The following NAV3 variants were observed in gnomAD, a reference collection of about 807,000 sequenced individuals.
NAV3 encodes neuron navigator 3, also known as pore membrane and/or filament interacting like protein 1.
NAV3 carries 87 observed loss-of-function variants against 244.7 expected under a neutral mutation model. The observed-to-expected ratio is 0.36, with a 90% CI of 0.30 to 0.42. The LOEUF is 0.42. Among genes scored for constraint, NAV3 ranks in the 20% least tolerant of loss-of-function variants. The pLI is 1.00. For missense variants in NAV3, 2,663 were observed against 2,893.3 expected (o/e 0.92, Z 1.83); for synonymous variants, 1,126 against 1,042.2 (o/e 1.08, Z -1.55).
At chr12:77,648,045 G>T (rs753358313) in intron 2 of NAV3, among the ~76,000 whole-genome samples, 2 of 152,076 alleles carry the variant, frequency 1.3e-5, no homozygotes, top group Non-Finnish European at 2.9e-5. Context: ...CTTCCCTGAT[G>T]TTGGACTCCC....
rs1303774960 is a variant in NAV3 at position 77,656,677 on chromosome 12, A to G, written c.72+84411A>G. On this transcript the variant is annotated intron_variant, in intron 2 of 8. Coordinates refer to the NAV3 transcript ENST00000550042. Reference sequence around the variant, plus strand: ...TACATTTTTTTCAGCACCCCACCACACCTATTCCAAAATTGACCACATAGT... The same window carrying G: ...TACATTTTTTTCAGCACCCCACCACGCCTATTCCAAAATTGACCACATAGT... Among the ~76,000 whole-genome samples, 449 of 145,460 alleles carry G rather than the reference A, an allele frequency of 3.1e-3. 5 individuals are homozygous for G. Among genetic ancestry groups the G allele is most frequent in the Non-Finnish European group, 4.9e-3 (329 of 67,046 alleles).
Position 77,755,384 on chromosome 12 carries a change from G to A in NAV3, c.72+183118G>A, listed in dbSNP as rs114461626. Among the ~76,000 whole-genome samples the A allele has an allele frequency of 3.1e-3, 474 of 152,230 alleles. 3 individuals are homozygous for A. The highest frequency in any genetic ancestry group is 0.024 in the Middle Eastern group (7 of 294). ...CATTCATACCTACTCTGTACCAACT[G>A]TGTGCTGGGGATACCAGGGAGCACA... On this transcript the variant is annotated intron_variant, in intron 2 of 8. Coordinates refer to the NAV3 transcript ENST00000550042.
chr12:77,795,527 TTACTG>T (rs1871366559), intron 2 of NAV3, among the ~76,000 whole-genome samples: 1 of 152,134 alleles, frequency 6.6e-6, no homozygotes, highest in Non-Finnish European at 1.5e-5. Context: ...TAAATGAAAT[TTACTG>T]TACATTATTA....
intron 1 of NAV3, among the ~76,000 whole-genome samples, chr12:77,900,330 C>T (rs1015621285): frequency 6.6e-6 from 1 of 152,242 alleles, no homozygotes; most frequent in Admixed American, 6.5e-5. Context: ...CCCGCCTTGG[C>T]CTCCCAAAGT....
chr12:77,589,681 C>T (rs1156295486), intron 2 of NAV3, among the ~76,000 whole-genome samples: 1 of 152,234 alleles, frequency 6.6e-6, no homozygotes, highest in Non-Finnish European at 1.5e-5. Context: ...GATTCAATCA[C>T]CCTCCACCAG....
intron 2 of NAV3, among the ~76,000 whole-genome samples, chr12:77,720,876 G>A (rs1217660097): frequency 2.0e-5 from 3 of 152,084 alleles, no homozygotes; most frequent in African/African-American, 7.2e-5. Context: ...TTTCTCTTCT[G>A]TCATGTTGAT....
intron 3 of NAV3, among the ~76,000 whole-genome samples, chr12:77,944,108 T>G (rs1890114534): frequency 6.6e-6 from 1 of 152,098 alleles, no homozygotes; most frequent in Non-Finnish European, 1.5e-5. Context: ...CAAAAACGAC[T>G]GAGAATGGAG....
rs761857372 is a variant in NAV3 at position 78,210,439 on chromosome 12, G to C, written c.7080G>C (p.Ser2360=). 1.1e-5 allele frequency: 17 copies of C among 1,613,366 alleles called. No homozygotes were observed. Among genetic ancestry groups the C allele is most frequent in the Non-Finnish European group, 1.4e-5 (17 of 1,179,836 alleles). ...AACTCCAAGAAGCAGCCAATTACTCGAGCACACAAAGCTGCGACAGCGAAA... is the reference window on the plus strand; with the variant it reads ...AACTCCAAGAAGCAGCCAATTACTCCAGCACACAAAGCTGCGACAGCGAAA... ...LMKLQEAANY[S]STQSCDSEST... The change falls in exon 40 of 40, where the codon TCG becomes TCC. Residue 2360 remains serine (S), a synonymous_variant. Transcript: ENST00000397909.
intron 18 of NAV3, among the ~76,000 whole-genome samples, chr12:78,131,440 C>A (rs1448278769): frequency 6.6e-6 from 1 of 152,128 alleles, no homozygotes; most frequent in African/African-American, 2.4e-5. Flanking sequence ...AACACTTTAA[C>A]TTCAAAAAAT....
chr12:77,809,411 T>G (rs1872170530), intron 2 of NAV3, among the ~76,000 whole-genome samples: 1 of 152,198 alleles, frequency 6.6e-6, no homozygotes, highest in Admixed American at 6.5e-5. Context: ...ATGGCTTCCC[T>G]TGGCTAGGGG....
chr12:78,057,044 T>G (rs1478443250), intron 11 of NAV3, among the ~76,000 whole-genome samples: 1 of 152,178 alleles, frequency 6.6e-6, no homozygotes, highest in Non-Finnish European at 1.5e-5. Flanking sequence ...CTTTTTGAAT[T>G]TACTTTAAAC....
chr12:77,644,415 A>C (rs1348801354), intron 2 of NAV3, among the ~76,000 whole-genome samples: 6 of 152,050 alleles, frequency 3.9e-5, no homozygotes, highest in Admixed American at 3.9e-4. Flanking sequence ...TCTTGGTAAA[A>C]ATCATATCCA....
chr12:77,933,506 C>T (rs1365501042), intron 1 of NAV3, among the ~76,000 whole-genome samples: 2 of 152,182 alleles, frequency 1.3e-5, no homozygotes, highest in Admixed American at 1.3e-4. Flanking sequence ...GTAGTCAACT[C>T]ATTAATATTC....
At position 78,168,838 on chromosome 12, in the gene NAV3, A is replaced by G. The variant is rs383190; in HGVS notation, c.4953A>G (p.Ala1651=). 0.063 allele frequency: 101,951 copies of G among 1,609,328 alleles called. 3,596 individuals are homozygous for G. The highest frequency in any genetic ancestry group is 0.073 in the Non-Finnish European group (85,762 of 1,176,650). ...CTGCCCAGGCGGCTATTCAGGGAGC[A>G]CTGAATGGTCCAGACCATCCTCCCA... ...NSAAQAAIQG[A]LNGPDHPPKD... Residue 1651 remains alanine, a synonymous_variant, in exon 24 of 40, where the codon GCA becomes GCG. Coordinates refer to ENST00000397909, the MANE Select transcript of NAV3 (RefSeq NM_001024383.2).
intron 17 of NAV3, among the ~76,000 whole-genome samples, chr12:78,127,950 T>C (rs996161974): frequency 6.6e-6 from 1 of 152,160 alleles, no homozygotes; most frequent in East Asian, 1.9e-4. Context: ...GAGGAAGAGA[T>C]AGAATGATCT....
chr12:78,069,317 A>G lies in NAV3; in HGVS notation c.2636+10202A>G, dbSNP rs1952634661. ...AAACTAAATCGTTTTTTATTACAAA[A>G]CTTTTCTAGGTTTATTAATGAAAAT... On this transcript the variant is annotated intron_variant, in intron 12 of 39. Transcript: ENST00000397909. Among the ~76,000 whole-genome samples the G allele has an allele frequency of 2.6e-5, 4 of 151,912 alleles. No homozygotes were observed. In the South Asian group the frequency reaches 8.3e-4, roughly 31 times the overall value.
At chr12:77,588,388 G>A (rs955241043) in intron 2 of NAV3, among the ~76,000 whole-genome samples, 24 of 152,094 alleles carry the variant, frequency 1.6e-4, no homozygotes, top group African/African-American at 5.5e-4. Context: ...TAAAGTGCTG[G>A]GATTACAGGT....
intron 2 of NAV3, among the ~76,000 whole-genome samples, chr12:77,812,344 T>C (rs1419179296): frequency 6.6e-6 from 1 of 152,192 alleles, no homozygotes; most frequent in African/African-American, 2.4e-5. Flanking sequence ...TAAACTTTCA[T>C]TATCATTTCA....
chr12:77,935,268 G>C (rs1447741345), intron 1 of NAV3, among the ~76,000 whole-genome samples: 1 of 152,082 alleles, frequency 6.6e-6, no homozygotes, highest in Non-Finnish European at 1.5e-5. Flanking sequence ...AATCAGAGTA[G>C]ATCTTTTTCT....
Sources: allele counts gnomAD v4.1 joint callset (sites outside exome capture counted in the v4.1 genomes callset), GRCh38; gene constraint gnomAD v4.1.1; transcripts MANE v1.5; gene names NCBI Gene and HGNC (gene_info 2026-07-23, HGNC 2026-07-21).